Variants in UBE2G1 observed in about 807,000 individuals in gnomAD.
UBE2G1 encodes ubiquitin conjugating enzyme E2 G1, also known as ubiquitin-conjugating enzyme E2 G1.
UBE2G1 carries 5 observed loss-of-function variants against 22.7 expected under a neutral mutation model. The observed-to-expected ratio is 0.22, with a 90% CI of 0.12 to 0.46. UBE2G1 has a LOEUF of 0.46. Ranked by LOEUF, UBE2G1 falls within the 20% of genes least tolerant of loss-of-function variation. The pLI is 0.99. For synonymous variants in UBE2G1, 74 were observed against 67.5 expected, an observed-to-expected ratio of 1.10 and a Z score of -0.47; for missense variants, 88 against 203.9, an observed-to-expected ratio of 0.43 and a Z score of 3.46.
chr17:4,366,287 C>A lies in UBE2G1; in HGVS notation c.30G>T (p.Leu10=). 1 of 1,555,878 alleles carries A rather than the reference C, an allele frequency of 6.4e-7. No homozygotes were observed. The highest frequency in any genetic ancestry group is 8.6e-7 in the Non-Finnish European group (1 of 1,160,318). The change falls in exon 1 of 6, where the codon CTG becomes CTT. Residue 10 remains leucine (L), a synonymous_variant. Transcript: ENST00000396981. ...CCTGCTCACCTGCCAGCTGTCTTCG[C>A]AGTAGCAGTGCCGACTGCAGCTCCG... MTELQSALL[L]RRQLAELNKN... is the part of the protein sequence containing the mutation.
intron 1 of UBE2G1, among the ~76,000 whole-genome samples, chr17:4,318,133 C>T (rs538501731): frequency 4.6e-5 from 7 of 152,052 alleles, no homozygotes; most frequent in East Asian, 3.9e-4. Flanking sequence ...CGTTGCAACA[C>T]GGAGAAGATA....
chr17:4,301,512 C>A, intron 2 of UBE2G1: 1 of 1,006,248 alleles, frequency 9.9e-7, no homozygotes, highest in Non-Finnish European at 1.6e-6. Flanking sequence ...ACGGAACAGG[C>A]AGGTGAACAC....
intron 2 of UBE2G1, among the ~76,000 whole-genome samples, chr17:4,303,999 G>A (rs945401448): frequency 6.6e-6 from 1 of 152,132 alleles, no homozygotes; most frequent in African/African-American, 2.4e-5. Context: ...ATGATACAGT[G>A]ATATCCAGGT....
intron 1 of UBE2G1, among the ~76,000 whole-genome samples, chr17:4,345,024 T>A (rs924678421): frequency 2.0e-5 from 3 of 152,092 alleles, no homozygotes; most frequent in Non-Finnish European, 4.4e-5. Context: ...TTACTGAAAA[T>A]TTTAAATGAG....
chr17:4,337,339 G>A lies in UBE2G1; in HGVS notation c.46+28932C>T, dbSNP rs915943222. On this transcript the variant is annotated intron_variant, in intron 1 of 5. Transcript: ENST00000396981. ...CTGTGTAAAAAAAAAAAAAAGAAAA[G>A]AAAAGAAAGAAAGAAAGAAAAGGAA... Among the ~76,000 whole-genome samples the A allele has an allele frequency of 5.2e-3, 751 of 143,910 alleles. 11 individuals carry two copies. Among genetic ancestry groups the A allele is most frequent in the African/African-American group, 0.018 (696 of 38,396 alleles). The allele number at this position is 143,910 out of a possible 152,430, so 94.4% of individuals were successfully genotyped here.
intron 1 of UBE2G1, among the ~76,000 whole-genome samples, chr17:4,336,516 TAATA>T (rs1364962452): frequency 5.3e-5 from 8 of 152,264 alleles, no homozygotes; most frequent in African/African-American, 1.9e-4. Context: ...AAAATTTTCA[TAATA>T]TATAGTTACA....
chr17:4,337,870 A>G (rs1366774634), intron 1 of UBE2G1, among the ~76,000 whole-genome samples: 1 of 151,946 alleles, frequency 6.6e-6, no homozygotes, highest in Admixed American at 6.6e-5. Context: ...CTGCAGAATT[A>G]ATTCTAAAAC....
intron 3 of UBE2G1, among the ~76,000 whole-genome samples, chr17:4,292,775 C>G (rs1177657733): frequency 1.3e-5 from 2 of 152,124 alleles, no homozygotes; most frequent in East Asian, 3.8e-4. Flanking sequence ...CTATATTTTC[C>G]GTAGGAAAAC....
intron 1 of UBE2G1, among the ~76,000 whole-genome samples, chr17:4,362,495 C>T (rs1269584938): frequency 6.6e-6 from 1 of 152,056 alleles, no homozygotes; most frequent in South Asian, 2.1e-4. Context: ...AATACTCAAC[C>T]CAAAACGTCA....
intron 2 of UBE2G1, chr17:4,302,618 T>G (rs1181000834): frequency 2.7e-6 from 1 of 367,988 alleles, no homozygotes; most frequent in African/African-American, 2.1e-5. Flanking sequence ...GGTCTTACTC[T>G]ATTTTGTGAA....
intron 1 of UBE2G1, among the ~76,000 whole-genome samples, chr17:4,357,314 C>G (rs1307630983): frequency 6.6e-6 from 1 of 151,896 alleles, no homozygotes; most frequent in African/African-American, 2.4e-5. Flanking sequence ...TATCATTGCT[C>G]TGTGTTATTA....
Position 4,366,637 on chromosome 17 carries a change from A to G in UBE2G1, c.-321T>C, listed in dbSNP as rs946891772. ...CGGTGCCTTCCCCCGCCACTGCCTC[A>G]CTGCGCGCAGGGCCGCTCGGCGCAG... On this transcript the variant is annotated 5_prime_UTR_variant, in exon 1 of 6. Transcript: ENST00000396981. The G allele has an allele frequency of 1.4e-5, 4 of 279,246 alleles. No individual in the cohort carries two copies. Among genetic ancestry groups the G allele is most frequent in the African/African-American group, 6.7e-5 (3 of 44,916 alleles). The allele number at this position is 279,246 out of a possible 1,614,324, so 17.3% of individuals were successfully genotyped here.
At chr17:4,280,738 A>C (rs1184373070) in intron 5 of UBE2G1, among the ~76,000 whole-genome samples, 10 of 151,780 alleles carry the variant, frequency 6.6e-5, no homozygotes, top group African/African-American at 2.2e-4. Flanking sequence ...CCCGGGTTCA[A>C]GCGATTCTCC....
intron 1 of UBE2G1, among the ~76,000 whole-genome samples, chr17:4,349,664 A>C (rs1266534138): frequency 6.6e-6 from 1 of 151,996 alleles, no homozygotes; most frequent in Non-Finnish European, 1.5e-5. Flanking sequence ...TAACACGGTG[A>C]AACCCCGTCT....
intron 1 of UBE2G1, among the ~76,000 whole-genome samples, chr17:4,360,367 C>A (rs533241734): frequency 6.6e-6 from 1 of 152,124 alleles, no homozygotes; most frequent in African/African-American, 2.4e-5. Flanking sequence ...CCACACTGTA[C>A]CCTCCTGCCA....
chr17:4,353,669 C>A (rs1461701446), intron 1 of UBE2G1, among the ~76,000 whole-genome samples: 1 of 151,862 alleles, frequency 6.6e-6, no homozygotes, highest in Non-Finnish European at 1.5e-5. Context: ...CGTGCCACCA[C>A]ACCCGGCTAA....
chr17:4,346,237 C>T (rs1281569352), intron 1 of UBE2G1, among the ~76,000 whole-genome samples: 2 of 152,120 alleles, frequency 1.3e-5, no homozygotes, highest in Non-Finnish European at 2.9e-5. Context: ...GAATGCCTCA[C>T]TCAGACTAAA....
intron 1 of UBE2G1, among the ~76,000 whole-genome samples, chr17:4,327,557 G>A (rs1969516716): frequency 6.6e-6 from 1 of 152,118 alleles, no homozygotes; most frequent in South Asian, 2.1e-4. Context: ...CAGGGGCTCA[G>A]GATAAAGAGG....
chr17:4,347,863 G>A (rs1016164894), intron 1 of UBE2G1, among the ~76,000 whole-genome samples: 2 of 152,076 alleles, frequency 1.3e-5, no homozygotes, highest in African/African-American at 4.8e-5. Context: ...GGGGCACCAC[G>A]AATTGTGCCC....
Sources: allele counts gnomAD v4.1 joint callset (sites outside exome capture counted in the v4.1 genomes callset), GRCh38; gene constraint gnomAD v4.1.1; transcripts MANE v1.5; gene names NCBI Gene and HGNC (gene_info 2026-07-23, HGNC 2026-07-21).